ZDHHC3: variants seen among roughly 807,000 people sequenced by gnomAD.
The protein encoded by ZDHHC3 is palmitoyltransferase ZDHHC3.
ZDHHC3 carries 9 observed loss-of-function variants against 30.6 expected under a neutral mutation model. The ratio of observed to expected loss-of-function variants is 0.29; its 90% confidence interval spans 0.18 to 0.51. ZDHHC3 has a LOEUF of 0.51. Among genes scored for constraint, ZDHHC3 ranks in the 20% least tolerant of loss-of-function variants. The pLI is 0.97. For synonymous variants in ZDHHC3, 136 were observed against 140.2 expected (o/e 0.97, Z 0.21); for missense variants, 246 against 384.2 (o/e 0.64, Z 3.01).
chr3:44,962,549 G>GGGA (rs1461915004), intron 1 of ZDHHC3, among the ~76,000 whole-genome samples: 1 of 100,624 alleles, frequency 9.9e-6, no homozygotes, highest in East Asian at 3.5e-4. Context: ...GGAAGGGGAG[G>GGGA]GGAGGGGTAT....
At position 44,946,991 on chromosome 3, in the gene ZDHHC3, C is replaced by G. The variant is rs191725667; in HGVS notation, c.307-1699G>C. 1.0e-3 allele frequency among the ~76,000 whole-genome samples: 152 copies of G among 152,196 alleles called. 1 individual carries two copies. Among genetic ancestry groups the G allele is most frequent in the African/African-American group, 2.7e-3 (112 of 41,492 alleles). ...AGGGAGAGATGAAAATTCCAGACAC[C>G]ACGTAGGAGGTTATTGTTGATGGTC... On this transcript the variant is annotated intron_variant, in intron 2 of 6. Transcript: ENST00000424952.
At chr3:44,951,862 C>CT (rs1703484334) in intron 2 of ZDHHC3, among the ~76,000 whole-genome samples, 2 of 152,332 alleles carry the variant, frequency 1.3e-5, no homozygotes, top group Non-Finnish European at 2.9e-5. Flanking sequence ...CACTGTCCTT[C>CT]TCCCTGTCTG....
At position 44,915,979 on chromosome 3, in the gene ZDHHC3, C is replaced by G. The variant is rs558494226; in HGVS notation, c.*10710G>C. ...CAAATAGGGGGCCCTACAGTCAGAG[C>G]AGCTCTTACCCAAAGTGGTGAGCGT... is the stretch of plus-strand genomic sequence containing the variant. On this transcript the variant is annotated 3_prime_UTR_variant, in exon 7 of 7. Coordinates refer to ENST00000424952, the MANE Select transcript of ZDHHC3 (RefSeq NM_001135179.2). The G allele has an allele frequency of 6.6e-6, 1 of 152,342 alleles. No homozygotes were observed. Among genetic ancestry groups the G allele is most frequent in the Admixed American group, 6.5e-5 (1 of 15,304 alleles). The allele number at this position is 152,342 out of a possible 1,614,324, so 9.4% of individuals were successfully genotyped here.
intron 5 of ZDHHC3, among the ~76,000 whole-genome samples, chr3:44,932,166 T>C (rs945030124): frequency 6.6e-6 from 1 of 152,138 alleles, no homozygotes; most frequent in South Asian, 2.1e-4. Flanking sequence ...GCAGAAGGCA[T>C]GTACTTCAGA....
At chr3:44,965,741 AGTCCAGCAAGT>A (rs1704892424) in intron 1 of ZDHHC3, among the ~76,000 whole-genome samples, 1 of 152,230 alleles carries the variant, frequency 6.6e-6, no homozygotes, top group Non-Finnish European at 1.5e-5. Context: ...CACTGTTCTC[AGTCCAGCAAGT>A]GTACCAAGGA....
Position 44,924,572 on chromosome 3 carries a change from G to T in ZDHHC3, c.*2117C>A. ...TTTCTATTTTTAGGACTAAAAAAAA[G>T]TCAGTGCATCTTCAGCACTATCTAC... On this transcript the variant is annotated 3_prime_UTR_variant, in exon 7 of 7. Transcript: ENST00000424952. 1 of 985,410 alleles carries T rather than the reference G, an allele frequency of 1.0e-6. No homozygotes were observed. Among genetic ancestry groups the T allele is most frequent in the Non-Finnish European group, 1.2e-6 (1 of 829,916 alleles). The allele number at this position is 985,410 out of a possible 1,614,324, so 61.0% of individuals were successfully genotyped here.
intron 3 of ZDHHC3, among the ~76,000 whole-genome samples, chr3:44,939,129 A>C (rs1312126141): frequency 6.6e-6 from 1 of 152,160 alleles, no homozygotes; most frequent in African/African-American, 2.4e-5. Context: ...TATCTCAGAC[A>C]TGCTGGCCTG....
intron 1 of ZDHHC3, among the ~76,000 whole-genome samples, chr3:44,960,469 C>G (rs1236040316): frequency 2.6e-5 from 4 of 152,244 alleles, no homozygotes; most frequent in African/African-American, 7.2e-5. Flanking sequence ...TCTCTAGAAG[C>G]TGCAATTCAA....
chr3:44,931,435 AG>A (rs1701476199), intron 5 of ZDHHC3, among the ~76,000 whole-genome samples: 1 of 152,182 alleles, frequency 6.6e-6, no homozygotes. Flanking sequence ...GAATCAGATC[AG>A]GGAGTGTGGA....
chr3:44,926,997 G>T (rs1315690973), intron 6 of ZDHHC3, 150 bp from the exon 7 acceptor site: 2 of 1,175,852 alleles, frequency 1.7e-6, no homozygotes, highest in Non-Finnish European at 1.1e-6. Context: ...CATAAAAAGT[G>T]TTACTAAAAA....
intron 2 of ZDHHC3, among the ~76,000 whole-genome samples, chr3:44,951,306 C>T (rs1218418118): frequency 6.6e-6 from 1 of 152,186 alleles, no homozygotes; most frequent in South Asian, 2.1e-4. Context: ...CTTCCACATT[C>T]TCTGCACAGA....
At chr3:44,934,935 T>C (rs915259122) in intron 3 of ZDHHC3, among the ~76,000 whole-genome samples, 17 of 150,852 alleles carry the variant, frequency 1.1e-4, no homozygotes, top group African/African-American at 3.9e-4. Context: ...AGCTTAACTG[T>C]CGACCAGATC....
chr3:44,954,224 T>C (rs1559702715), intron 2 of ZDHHC3, among the ~76,000 whole-genome samples: 1 of 152,184 alleles, frequency 6.6e-6, no homozygotes, highest in Non-Finnish European at 1.5e-5. Flanking sequence ...GGGGAGCAGG[T>C]AGACAGACGA....
chr3:44,935,421 C>T (rs960643458), intron 3 of ZDHHC3, among the ~76,000 whole-genome samples: 2 of 152,188 alleles, frequency 1.3e-5, no homozygotes, highest in Non-Finnish European at 2.9e-5. Context: ...AGGTGCACGC[C>T]ACCACACCCA....
chr3:44,966,122 A>T (rs1704933189), intron 1 of ZDHHC3, among the ~76,000 whole-genome samples: 3 of 152,222 alleles, frequency 2.0e-5, no homozygotes. Flanking sequence ...TAATCTATAT[A>T]CTTAAAACAA....
chr3:44,937,922 C>A, intron 3 of ZDHHC3: 2 of 486,878 alleles, frequency 4.1e-6, no homozygotes, highest in South Asian at 1.5e-5. Context: ...CCCTGATCAT[C>A]AAAGCCCTCA....
chr3:44,958,261 C>T (rs1704127718), intron 2 of ZDHHC3, among the ~76,000 whole-genome samples: 1 of 152,078 alleles, frequency 6.6e-6, no homozygotes, highest in South Asian at 2.1e-4. Context: ...GGAAATGGAG[C>T]CCTTTGAGAC....
At chr3:44,967,367 G>A (rs553270681) in intron 1 of ZDHHC3, among the ~76,000 whole-genome samples, 27 of 152,216 alleles carry the variant, frequency 1.8e-4, no homozygotes, top group African/African-American at 5.8e-4. Context: ...CCAGCTCCTG[G>A]CTTTACTAAT....
intron 3 of ZDHHC3, chr3:44,937,801 T>G (rs9871310): frequency 4.8e-6 from 2 of 415,920 alleles, no homozygotes; most frequent in Non-Finnish European, 9.5e-6. Flanking sequence ...CCAAAAAAGG[T>G]TGGTGATGAC....
Sources: allele counts gnomAD v4.1 joint callset (sites outside exome capture counted in the v4.1 genomes callset), GRCh38; gene constraint gnomAD v4.1.1; transcripts MANE v1.5; gene names NCBI Gene and HGNC (gene_info 2026-07-23, HGNC 2026-07-21).